Variants in ITPKC observed in about 807,000 individuals in gnomAD.
ITPKC encodes the protein inositol-trisphosphate 3-kinase C.
Under a neutral mutation model 67.1 loss-of-function variants are expected in ITPKC, and 33 were observed. The observed-to-expected ratio is 0.49, with a 90% CI of 0.37 to 0.66. The LOEUF is 0.66. Ranked by LOEUF, ITPKC falls within the 30% of genes least tolerant of loss-of-function variation. The pLI, the probability that ITPKC is intolerant of heterozygous loss-of-function variation, is 0.00. For synonymous variants in ITPKC, 341 were observed against 359.8 expected (o/e 0.95, Z 0.59); for missense variants, 820 against 892.1 (o/e 0.92, Z 1.03).
At position 40,740,332 on chromosome 19, in the gene ITPKC, A is replaced by G. The variant is rs1568454428; in HGVS notation, c.*772A>G. The stretch of plus-strand genomic sequence containing the variant: ...TGCACCAGATCCGGCCTCAGGACTT[A>G]CACCTCCTGCCTGACCCCCAGGCTT... On this transcript the variant is annotated 3_prime_UTR_variant, in exon 7 of 7. Transcript: ENST00000263370. 1.3e-5 allele frequency: 2 copies of G among 154,470 alleles called. No individual in the cohort carries two copies. The highest frequency in any genetic ancestry group is 4.8e-5 in the African/African-American group (2 of 41,488). The allele number at this position is 154,470 out of a possible 1,614,324, so 9.6% of individuals were successfully genotyped here.
chr19:40,725,210 A>T (rs1326729010), intron 1 of ITPKC, 130 bp from the exon 2 acceptor site: 7 of 648,114 alleles, frequency 1.1e-5, no homozygotes, highest in Non-Finnish European at 1.1e-5. Context: ...AAGCCTGGGA[A>T]CAGTGATCCC....
Position 40,740,074 on chromosome 19 carries a change from CAT to C in ITPKC, c.*515_*516del, listed in dbSNP as rs1419089187. On this transcript the variant is annotated 3_prime_UTR_variant, in exon 7 of 7. Transcript: ENST00000263370. ...GGACCATCTGGGGAGAGTGACAGTC[CAT>C]GTCTTCACCAGGGAGCCATTTGAGT... 6.3e-6 allele frequency: 1 copy of C among 157,588 alleles called. No individual in the cohort carries two copies. The highest frequency in any genetic ancestry group is 2.4e-5 in the African/African-American group (1 of 41,496). The allele number at this position is 157,588 out of a possible 1,614,324, so 9.8% of individuals were successfully genotyped here.
intron 3 of ITPKC, among the ~76,000 whole-genome samples, chr19:40,731,160 C>T (rs1003978619): frequency 2.6e-5 from 4 of 152,172 alleles, no homozygotes; most frequent in African/African-American, 9.7e-5. Flanking sequence ...ACCCCTGGGC[C>T]GCAGACCAGT....
chr19:40,722,172 A>G (rs2082225668), intron 1 of ITPKC, among the ~76,000 whole-genome samples: 1 of 152,124 alleles, frequency 6.6e-6, no homozygotes, highest in South Asian at 2.1e-4. Flanking sequence ...GCAAGTGTGT[A>G]GGGGATAAGC....
intron 1 of ITPKC, among the ~76,000 whole-genome samples, chr19:40,724,498 C>T (rs893490452): frequency 2.0e-5 from 3 of 152,130 alleles, no homozygotes; most frequent in Admixed American, 6.6e-5. Context: ...ATGACTGCCA[C>T]GGTCTCTGTC....
At chr19:40,735,538 CTCAG>C (rs2082290612) in intron 4 of ITPKC, among the ~76,000 whole-genome samples, 1 of 152,072 alleles carries the variant, frequency 6.6e-6, no homozygotes, top group African/African-American at 2.4e-5. Context: ...CTGGTTGATT[CTCAG>C]TCATTTTTCT....
At chr19:40,738,220 A>G (rs2082304197) in intron 6 of ITPKC, among the ~76,000 whole-genome samples, 1 of 152,140 alleles carries the variant, frequency 6.6e-6, no homozygotes, top group African/African-American at 2.4e-5. Flanking sequence ...CGAGGTCAGG[A>G]GATCGAGACC....
In ITPKC at chr19:40,718,181, G is replaced by T; in HGVS notation, c.1046G>T (p.Arg349Leu). 1 of 1,584,376 alleles carries T rather than the reference G, an allele frequency of 6.3e-7. No individual in the cohort carries two copies. The part of the protein sequence containing the change: ...PEAQPVGPPS[R>L]VEGGSGGFSS... Reference sequence around the variant, plus strand: ...GCCCAGCCAGTGGGACCCCCCTCCCGGGTTGAGGGGGGCAGCGGCGGCTTC... The same window carrying T: ...GCCCAGCCAGTGGGACCCCCCTCCCTGGTTGAGGGGGGCAGCGGCGGCTTC... The change falls in exon 1 of 7, where the codon CGG (arginine) becomes CTG (leucine). Residue 349 changes from arginine (R) to leucine (L), a missense_variant. Around this residue, in one of 2 missense-constraint regions of ITPKC, gnomAD observed 481 missense variants for 470.1 expected, o/e 1.02. Transcript: ENST00000263370.
rs780775551 is a variant in ITPKC, at chr19:40,725,455, G to T, written c.1255+16G>T. 1 of 1,547,642 alleles carries T rather than the reference G, an allele frequency of 6.5e-7. No individual in the cohort carries two copies. The highest frequency in any genetic ancestry group is 8.9e-7 in the Non-Finnish European group (1 of 1,119,360). ...GGACATGCTGGTAAGTGGGGTGGTG[G>T]TGGACAGAGCTGGGCAGAGTCTCCT... On this transcript the variant is annotated intron_variant, in intron 2 of 6. Transcript: ENST00000263370.
chr19:40,720,849 C>T (rs1428081053), intron 1 of ITPKC, among the ~76,000 whole-genome samples: 1 of 152,126 alleles, frequency 6.6e-6, no homozygotes, highest in Admixed American at 6.6e-5. Flanking sequence ...TTTTGAAATC[C>T]TCTCTGACCG....
rs1231587007 is a variant in ITPKC, at chr19:40,725,450, T to G, written c.1255+11T>G. On this transcript the variant is annotated intron_variant, in intron 2 of 6. Coordinates refer to ENST00000263370, the MANE Select transcript of ITPKC (RefSeq NM_025194.3). Reference sequence around the variant, plus strand: ...TTTCTGGACATGCTGGTAAGTGGGGTGGTGGTGGACAGAGCTGGGCAGAGT... The same window carrying G: ...TTTCTGGACATGCTGGTAAGTGGGGGGGTGGTGGACAGAGCTGGGCAGAGT... The G allele has an allele frequency of 6.4e-7, 1 of 1,569,072 alleles. No homozygotes were observed. The highest frequency in any genetic ancestry group is 8.8e-7 in the Non-Finnish European group (1 of 1,138,810).
At chr19:40,734,218 C>T (rs2082284285) in intron 4 of ITPKC, among the ~76,000 whole-genome samples, 1 of 151,720 alleles carries the variant, frequency 6.6e-6, no homozygotes, top group East Asian at 1.9e-4. Context: ...TTTTTTTTTC[C>T]CCCACAGCTA....
At chr19:40,733,036 G>A in intron 3 of ITPKC, 124 bp from the exon 4 acceptor site, 1 of 743,368 alleles carries the variant, frequency 1.3e-6, no homozygotes, top group Non-Finnish European at 2.3e-6. Flanking sequence ...GGACTCTGTT[G>A]TATTCTGTGC....
At position 40,729,361 on chromosome 19, in the gene ITPKC, ACCT is replaced by A. The variant is rs2082260205; in HGVS notation, c.1419_1421del (p.Leu474del). The A allele has an allele frequency of 6.2e-7, 1 of 1,613,770 alleles. No individual in the cohort carries two copies. ...GGCCAGACCTTCAACCAGATGGAAG[ACCT>A]CCTGGCTGACTTTGAGGGCCCCTCC... On this transcript the variant is annotated inframe_deletion, in exon 3 of 7. Transcript: ENST00000263370.
intron 3 of ITPKC, among the ~76,000 whole-genome samples, chr19:40,729,771 A>AAAAAG (rs71173674): frequency 3.4e-5 from 5 of 145,970 alleles, no homozygotes; most frequent in South Asian, 4.2e-4. Context: ...CTGTCTCAAA[A>AAAAAG]AAAAGAAAAG....
intron 2 of ITPKC, among the ~76,000 whole-genome samples, chr19:40,726,097 C>T (rs1599650267): frequency 6.6e-6 from 1 of 152,006 alleles, no homozygotes; most frequent in Non-Finnish European, 1.5e-5. Flanking sequence ...AAAAATTAGC[C>T]AGGCATGGTG....
chr19:40,723,536 GC>G (rs1568448467), intron 1 of ITPKC, among the ~76,000 whole-genome samples: 1 of 149,678 alleles, frequency 6.7e-6, no homozygotes, highest in African/African-American at 2.5e-5. Context: ...TTGCTCTGTC[GC>G]CCAGGCTGGA....
At chr19:40,724,305 G>A (rs1028451898) in intron 1 of ITPKC, among the ~76,000 whole-genome samples, 2 of 152,170 alleles carry the variant, frequency 1.3e-5, no homozygotes, top group African/African-American at 4.8e-5. Flanking sequence ...TGGGAGCATC[G>A]CTTGAGTCCA....
At chr19:40,723,373 C>T (rs187565561) in intron 1 of ITPKC, among the ~76,000 whole-genome samples, 85 of 152,294 alleles carry the variant, frequency 5.6e-4, no homozygotes, top group African/African-American at 2.0e-3. Flanking sequence ...AGATTACAGG[C>T]GTAAGCCATC....
Sources: allele counts gnomAD v4.1 joint callset (sites outside exome capture counted in the v4.1 genomes callset), GRCh38; gene constraint gnomAD v4.1.1; regional missense constraint gnomAD v4.1.1; transcripts MANE v1.5; gene names NCBI Gene and HGNC (gene_info 2026-07-23, HGNC 2026-07-21).